ATN1: variants seen among roughly 807,000 people sequenced by gnomAD.
The protein encoded by ATN1 is atrophin 1, also known as atrophin-1.
In ATN1, 19 loss-of-function variants were observed where a neutral mutation model predicts 85.8. The observed-to-expected ratio is 0.22, with a 90% CI of 0.15 to 0.32. The LOEUF (loss-of-function observed/expected upper bound fraction) is 0.32, where lower values mean the gene tolerates loss of function less well. ATN1 is among the 10% of genes least tolerant of loss of function. The pLI, the probability that ATN1 is intolerant of heterozygous loss-of-function variation, is 1.00. For missense variants in ATN1, 1,453 were observed against 1,564.5 expected (o/e 0.93, Z 1.20); for synonymous variants, 674 against 657.0 (o/e 1.03, Z -0.39).
At position 6,934,399 on chromosome 12, in the gene ATN1, G is replaced by C. The variant is rs953372762; in HGVS notation, c.166-66G>C. 24 of 1,605,264 alleles carry C rather than the reference G, an allele frequency of 1.5e-5. No homozygotes were observed. The African/African-American group carries it at 3.2e-4, about 22-fold the overall frequency. Reference sequence around the variant, plus strand: ...GTGTTGTGGGGGAACTTCCTGTTTGGCAGAGGGTAACGGTGGAGCTCGGGA... The same window carrying C: ...GTGTTGTGGGGGAACTTCCTGTTTGCCAGAGGGTAACGGTGGAGCTCGGGA... On this transcript the variant is annotated intron_variant, in intron 3 of 9. Coordinates refer to ENST00000396684, the MANE Select transcript of ATN1 (RefSeq NM_001940.4). The surrounding 1 kb of genome is among the most constrained non-coding windows in gnomAD (Gnocchi z 4.5).
chr12:6,933,217 TTTTC>T (rs1357216098), intron 1 of ATN1, among the ~76,000 whole-genome samples: 140 of 151,856 alleles, frequency 9.2e-4, no homozygotes, highest in African/African-American at 3.2e-3. Flanking sequence ...GTCATTTCTT[TTTTC>T]TTTTTTTTTT....
chr12:6,935,432 CCACAT>C lies in ATN1; in HGVS notation c.280-110_280-106del, dbSNP rs1555143428. Reference sequence around the variant, plus strand: ...AGGTGGGCTTGAGCAAGAGTACTCACCACATCACAGTACAACAGTGTGCTGTGAGG... The same window carrying C: ...AGGTGGGCTTGAGCAAGAGTACTCACCACAGTACAACAGTGTGCTGTGAGG... On this transcript the variant is annotated intron_variant, in intron 4 of 9. Coordinates refer to ENST00000396684, the MANE Select transcript of ATN1 (RefSeq NM_001940.4). The surrounding 1 kb of genome is among the most constrained non-coding windows in gnomAD (Gnocchi z 5.3). 3.3e-6 allele frequency: 4 copies of C among 1,197,892 alleles called. No individual in the cohort carries two copies. Among genetic ancestry groups the C allele is most frequent in the Non-Finnish European group, 4.6e-6 (4 of 869,402 alleles). The allele number at this position is 1,197,892 out of a possible 1,614,324, so 74.2% of individuals were successfully genotyped here. A position where few individuals can be genotyped will look rare whatever the true frequency, so the allele number is the denominator to read the frequency against.
In ATN1 at chr12:6,940,950, A is replaced by C; in HGVS notation, c.3285A>C (p.Pro1095=). Reference sequence around the variant, plus strand: ...CTCACCTTACCCGGATCCCCTACCCAGCTGGAACTCTCCCTAACCCCCTGC... The same window carrying C: ...CTCACCTTACCCGGATCCCCTACCCCGCTGGAACTCTCCCTAACCCCCTGC... ...SGSHLTRIPY[P]AGTLPNPLLP... The change falls in exon 8 of 10, where the codon CCA becomes CCC. Residue 1095 remains proline, a synonymous_variant. Coordinates refer to ENST00000396684, the MANE Select transcript of ATN1 (RefSeq NM_001940.4). The C allele has an allele frequency of 6.2e-7, 1 of 1,614,090 alleles. No homozygotes were observed. Among genetic ancestry groups the C allele is most frequent in the Non-Finnish European group, 8.5e-7 (1 of 1,180,006 alleles).
Position 6,934,834 on chromosome 12 carries a change from G to A in ATN1, c.279+256G>A, listed in dbSNP as rs782266786. On this transcript the variant is annotated intron_variant, in intron 4 of 9. Coordinates refer to ENST00000396684, the MANE Select transcript of ATN1 (RefSeq NM_001940.4). The surrounding 1 kb of genome is among the most constrained non-coding windows in gnomAD (Gnocchi z 4.5). ...AGTCTCTGGGTGAGAAGTCTTAGTC[G>A]GAGGAACAAATAAATCTTAAGGAAA... Among the ~76,000 whole-genome samples the A allele has an allele frequency of 7.1e-4, 108 of 152,264 alleles. No individual in the cohort carries two copies. The highest frequency in any genetic ancestry group is 2.6e-3 in the African/African-American group (107 of 41,560).
In ATN1 at chr12:6,937,192, G is replaced by A. The variant is rs2138215362; in HGVS notation, c.1925G>A (p.Arg642Lys). The A allele has an allele frequency of 1.2e-6, 2 of 1,611,372 alleles. No homozygotes were observed. The highest frequency in any genetic ancestry group is 2.2e-5 in the South Asian group (2 of 91,048). ...SPPGPPPYGK[R>K]APSPGAYKTA... ...CCTGGGCCCCCACCGTACGGAAAGA[G>A]AGCCCCGTCCCCGGGGGCCTACAAG... is the stretch of plus-strand genomic sequence containing the variant. Residue 642 changes from arginine (R) to lysine (K), a missense_variant, in exon 5 of 10, where the codon AGA becomes AAA. This residue lies in a region of ATN1 where 990 missense variants were observed against 914.8 expected (regional missense o/e 1.08). Coordinates refer to ENST00000396684, the MANE Select transcript of ATN1 (RefSeq NM_001940.4). The surrounding 1 kb of genome is among the most constrained non-coding windows in gnomAD (Gnocchi z 6.0).
chr12:6,934,635 T>G lies in ATN1; in HGVS notation c.279+57T>G. On this transcript the variant is annotated intron_variant, in intron 4 of 9. Transcript: ENST00000396684. This position sits in a 1 kb window ranked among gnomAD's most constrained non-coding sequence, Gnocchi z 4.5. ...CTTGTGACCATTCTTTTCTCAGACT[T>G]GCTTATGCTCACTATTCTTAGCTGG... 1.6e-6 allele frequency: 2 copies of G among 1,287,976 alleles called. No homozygotes were observed. The highest frequency in any genetic ancestry group is 1.1e-6 in the Non-Finnish European group (1 of 907,614). 79.8% of individuals were successfully genotyped at this position (1,287,976 alleles called of 1,614,324 possible). A position where few individuals can be genotyped will look rare whatever the true frequency, so the allele number is the denominator to read the frequency against.
rs782079052 is a variant in ATN1 at position 6,936,135 on chromosome 12, C to T, written c.868C>T (p.Pro290Ser). 6.5e-7 allele frequency: 1 copy of T among 1,532,220 alleles called. No individual in the cohort carries two copies. The highest frequency in any genetic ancestry group is 1.3e-5 in the South Asian group (1 of 77,302). 94.9% of individuals were successfully genotyped at this position (1,532,220 alleles called of 1,614,324 possible). A position where few individuals can be genotyped will look rare whatever the true frequency, so the allele number is the denominator to read the frequency against. ...TGGTGGGAACCTACCTTCTGCTCCA[C>T]CACCAGCCAACTTCCCCCATGTGAC... is the stretch of plus-strand genomic sequence containing the variant. The part of the protein sequence containing the change: ...VGGGNLPSAP[P>S]PANFPHVTPN... Residue 290 changes from proline to serine, a missense_variant, in exon 5 of 10, where the codon CCA becomes TCA. By Grantham distance (74) the Pro-to-Ser change is moderately conservative (BLOSUM62 -1). Coordinates refer to ENST00000396684, the MANE Select transcript of ATN1 (RefSeq NM_001940.4).
Position 6,941,847 on chromosome 12 carries a change from C to T in ATN1, c.*67C>T. 6.4e-7 allele frequency: 1 copy of T among 1,555,254 alleles called. No individual in the cohort carries two copies. The highest frequency in any genetic ancestry group is 1.4e-5 in the African/African-American group (1 of 73,726). ...TTGGAGCACCCCCACCCTCCCCCCA[C>T]CGTGCCCTTGGCCTGCCACCCAGAG... On this transcript the variant is annotated 3_prime_UTR_variant, in exon 10 of 10. Transcript: ENST00000396684. This position sits in a 1 kb window ranked among gnomAD's most constrained non-coding sequence, Gnocchi z 5.9.
chr12:6,940,907 A>AC lies in ATN1; in HGVS notation c.3247dup (p.Leu1083ProfsTer19), dbSNP rs1458645862. 1 of 1,613,128 alleles carries AC rather than the reference A, an allele frequency of 6.2e-7. No individual in the cohort carries two copies. The highest frequency in any genetic ancestry group is 8.5e-7 in the Non-Finnish European group (1 of 1,179,816). ...TCTGCCTCGGTGCACCCTCTCATTGACCCCCTGGCCTCAGGGTCTCACCTT... is the reference window on the plus strand; with the variant it reads ...TCTGCCTCGGTGCACCCTCTCATTGACCCCCCTGGCCTCAGGGTCTCACCTT... On this transcript the variant is annotated frameshift_variant, in exon 8 of 10. Transcript: ENST00000396684. LOFTEE classifies it high-confidence loss of function.
intron 1 of ATN1, among the ~76,000 whole-genome samples, chr12:6,933,221 C>CTTT (rs782089414): frequency 2.1e-5 from 3 of 144,394 alleles, no homozygotes; most frequent in Non-Finnish European, 3.0e-5. Flanking sequence ...TTTCTTTTTT[C>CTTT]TTTTTTTTTT....
chr12:6,932,124 T>C (rs1945474505), intron 1 of ATN1, among the ~76,000 whole-genome samples: 1 of 152,074 alleles, frequency 6.6e-6, no homozygotes, highest in Non-Finnish European at 1.5e-5. Context: ...CCCAGCAATT[T>C]TGTGATTCTA....
chr12:6,942,159 CT>C lies in ATN1; in HGVS notation c.*380del, dbSNP rs1160827754. The C allele has an allele frequency of 3.5e-6, 1 of 287,586 alleles. No homozygotes were observed. Among genetic ancestry groups the C allele is most frequent in the Admixed American group, 4.5e-5 (1 of 22,092 alleles). The allele number at this position is 287,586 out of a possible 1,614,324, so 17.8% of individuals were successfully genotyped here. ...TTTTGCGTAGCATCGTGTGCCACCC[CT>C]GCCCCTCCCCGATCCCTGTGTGCGC... On this transcript the variant is annotated 3_prime_UTR_variant, in exon 10 of 10. Coordinates refer to ENST00000396684, the MANE Select transcript of ATN1 (RefSeq NM_001940.4).
At position 6,941,814 on chromosome 12, in the gene ATN1, A is replaced by G. The variant is rs781816219; in HGVS notation, c.*34A>G. 1.2e-6 allele frequency: 2 copies of G among 1,611,948 alleles called. No homozygotes were observed. The highest frequency in any genetic ancestry group is 1.7e-6 in the Non-Finnish European group (2 of 1,178,210). On this transcript the variant is annotated 3_prime_UTR_variant, in exon 10 of 10. Transcript: ENST00000396684. This position sits in a 1 kb window ranked among gnomAD's most constrained non-coding sequence, Gnocchi z 5.9. ...ATCAAGAGAGCACCATGGCTCCTAC[A>G]TTGGACCTTGGAGCACCCCCACCCT...
At chr12:6,925,000 C>A (rs1216426244), upstream of ATN1, among the ~76,000 whole-genome samples, 1 of 152,152 alleles carries the variant, frequency 6.6e-6, no homozygotes, top group Non-Finnish European at 1.5e-5. Flanking sequence ...CTGGGCCTCC[C>A]AGGCCCTTCT....
chr12:6,941,752 T>C lies in ATN1; in HGVS notation c.3545T>C (p.Leu1182Pro). The C allele has an allele frequency of 6.2e-7, 1 of 1,614,020 alleles. No individual in the cohort carries two copies. Among genetic ancestry groups the C allele is most frequent in the South Asian group, 1.1e-5 (1 of 91,072 alleles). ...ATGCACTGCCCCTTCCCTAGTCACCTGAAGAAGGAAAGCGACAAGCCACTG... is the reference window on the plus strand; with the variant it reads ...ATGCACTGCCCCTTCCCTAGTCACCCGAAGAAGGAAAGCGACAAGCCACTG... ...LPAQEDYYSH[L>P]KKESDKPL The change falls in exon 10 of 10, where the codon CTG (leucine) becomes CCG (proline). Residue 1182 changes from leucine to proline, a missense_variant. Leu to Pro is a moderately conservative substitution (Grantham distance 98). Transcript: ENST00000396684. The surrounding 1 kb of genome is among the most constrained non-coding windows in gnomAD (Gnocchi z 5.9).
chr12:6,937,569 GC>G lies in ATN1; in HGVS notation c.2294+10del. ...TGCCAGTCAGTCTGCCAGGTGAGCG[GC>G]CAGGTGGGGCGGAGGTGGGCCTGGA... is the stretch of plus-strand genomic sequence containing the variant. On this transcript the variant is annotated intron_variant, in intron 5 of 9. Coordinates refer to ENST00000396684, the MANE Select transcript of ATN1 (RefSeq NM_001940.4). This position sits in a 1 kb window ranked among gnomAD's most constrained non-coding sequence, Gnocchi z 6.0. 1.3e-6 allele frequency: 2 copies of G among 1,485,852 alleles called. No individual in the cohort carries two copies. Among genetic ancestry groups the G allele is most frequent in the South Asian group, 2.6e-5 (2 of 76,124 alleles). The allele number at this position is 1,485,852 out of a possible 1,614,324, so 92.0% of individuals were successfully genotyped here. A position where few individuals can be genotyped will look rare whatever the true frequency, so the allele number is the denominator to read the frequency against.
rs371517416 is a variant in ATN1, at chr12:6,940,908, C to A, written c.3243C>A (p.Asp1081Glu). The A allele has an allele frequency of 1.9e-6, 3 of 1,614,208 alleles. No individual in the cohort carries two copies. Among genetic ancestry groups the A allele is most frequent in the Non-Finnish European group, 8.5e-7 (1 of 1,180,034 alleles). The change falls in exon 8 of 10, where the codon GAC (aspartate) becomes GAA (glutamate). Residue 1081 changes from aspartate (D) to glutamate (E), a missense_variant. Around this residue, in one of 6 missense-constraint regions of ATN1, gnomAD observed 118 missense variants for 163.7 expected, o/e 0.72. Transcript: ENST00000396684. ...CTGCCTCGGTGCACCCTCTCATTGA[C>A]CCCCTGGCCTCAGGGTCTCACCTTA... ...AASASVHPLI[D>E]PLASGSHLTR...
In ATN1 at chr12:6,941,889, C is replaced by A; in HGVS notation, c.*109C>A. The A allele has an allele frequency of 8.9e-7, 1 of 1,129,196 alleles. No homozygotes were observed. 69.9% of individuals were successfully genotyped at this position (1,129,196 alleles called of 1,614,324 possible). Reference sequence around the variant, plus strand: ...CACCCAGAGCCAAGAGGGTGCTGCTCAGTTGCAGGGCCTCCGCAGCTGGAC... The same window carrying A: ...CACCCAGAGCCAAGAGGGTGCTGCTAAGTTGCAGGGCCTCCGCAGCTGGAC... On this transcript the variant is annotated 3_prime_UTR_variant, in exon 10 of 10. Transcript: ENST00000396684. This position sits in a 1 kb window ranked among gnomAD's most constrained non-coding sequence, Gnocchi z 5.9.
chr12:6,937,002 T>G lies in ATN1; in HGVS notation c.1735T>G (p.Ser579Ala), dbSNP rs147271413. The G allele has an allele frequency of 1.1e-4, 181 of 1,613,274 alleles. No homozygotes were observed. Among genetic ancestry groups the G allele is most frequent in the Non-Finnish European group, 2.7e-5 (32 of 1,179,642 alleles). The change falls in exon 5 of 10, where the codon TCT (serine) becomes GCT (alanine). Residue 579 changes from serine to alanine, a missense_variant. By Grantham distance (99) the Ser-to-Ala change is moderately conservative. Coordinates refer to ENST00000396684, the MANE Select transcript of ATN1 (RefSeq NM_001940.4). The surrounding 1 kb of genome is among the most constrained non-coding windows in gnomAD (Gnocchi z 6.0). ...CTCTTCCAACTCTTCCTCTTCCACT[T>G]CTCAAGGGTCCTACCCATGTTCACA... Reference protein sequence around the residue: ...SSSSNSSSSTSQGSYPCSHPS... With the variant: ...SSSSNSSSSTAQGSYPCSHPS...
Sources: allele counts gnomAD v4.1 joint callset (sites outside exome capture counted in the v4.1 genomes callset), GRCh38; gene constraint gnomAD v4.1.1; regional missense constraint gnomAD v4.1.1; non-coding constraint Gnocchi (gnomAD v3.1); transcripts MANE v1.5; gene names NCBI Gene and HGNC (gene_info 2026-07-23, HGNC 2026-07-21).